Variants in GULP1 observed in about 807,000 individuals in gnomAD.
GULP1 encodes the protein GULP PTB domain containing engulfment adaptor 1, also known as PTB domain-containing engulfment adapter protein 1.
A neutral mutation model predicts 40.9 loss-of-function variants in GULP1; 19 were observed. The ratio of observed to expected loss-of-function variants is 0.46; its 90% CI spans 0.32 to 0.68. GULP1 has a LOEUF of 0.68. GULP1 is among the 30% of genes least tolerant of loss of function. GULP1 has a pLI of 0.03. For synonymous variants in GULP1, 119 were observed against 117.6 expected (o/e 1.01, Z -0.08); for missense variants, 312 against 362.2 (o/e 0.86, Z 1.12).
intron 1 of GULP1, among the ~76,000 whole-genome samples, chr2:188,351,024 G>A (rs1483365322): frequency 6.6e-6 from 1 of 152,028 alleles, no homozygotes; most frequent in Non-Finnish European, 1.5e-5. Context: ...CTAATATGAT[G>A]TTTCAGACCA....
rs114168309 is a variant in GULP1, at chr2:188,348,333, T to C, written c.-171-35430T>C. Among the ~76,000 whole-genome samples, 350 of 152,336 alleles carry C rather than the reference T, an allele frequency of 2.3e-3. 1 individual carries two copies. The highest frequency in any genetic ancestry group is 7.9e-3 in the African/African-American group (330 of 41,588). The stretch of plus-strand genomic sequence containing the variant: ...AGTTATCTGGTCAAACCTGTAACTA[T>C]TAACTGAAGCACTGGCCTTTTTACT... On this transcript the variant is annotated intron_variant, in intron 1 of 11. Transcript: ENST00000409830.
intron 4 of GULP1, among the ~76,000 whole-genome samples, chr2:188,494,327 A>C (rs2062694652): frequency 6.6e-6 from 1 of 152,120 alleles, no homozygotes; most frequent in South Asian, 2.1e-4. Context: ...CATAGCTACT[A>C]CTGTCCACCT....
chr2:188,477,455 G>T (rs930559677), intron 2 of GULP1, among the ~76,000 whole-genome samples: 25 of 152,068 alleles, frequency 1.6e-4, no homozygotes, highest in African/African-American at 5.8e-4. Context: ...AGGAATTTCT[G>T]TGAGACATTC....
chr2:188,574,422 G>T (rs1699755583), intron 9 of GULP1, among the ~76,000 whole-genome samples: 1 of 152,016 alleles, frequency 6.6e-6, no homozygotes, highest in Admixed American at 6.6e-5. Flanking sequence ...CCAGGAGTTG[G>T]AGACCAGCCT....
At position 188,584,374 on chromosome 2, in the gene GULP1, C is replaced by A; in HGVS notation, c.719C>A (p.Pro240His). 1 of 1,605,426 alleles carries A rather than the reference C, an allele frequency of 6.2e-7. No homozygotes were observed. ...CCTACTCGCAATGGCACACAGCCAC[C>A]TCCAGTACCTAGTAGATCTACTGAG... ...SMPTRNGTQP[P>H]PVPSRSTEIK... The change falls in exon 10 of 12, where the codon CCT becomes CAT. Residue 240 changes from proline (P) to histidine (H), a missense_variant. Pro to His is a moderately conservative substitution (Grantham distance 77). Coordinates refer to ENST00000409830, the MANE Select transcript of GULP1 (RefSeq NM_016315.4).
intron 2 of GULP1, among the ~76,000 whole-genome samples, chr2:188,417,566 T>TA (rs1406527464): frequency 2.0e-5 from 3 of 152,230 alleles, no homozygotes; most frequent in Non-Finnish European, 4.4e-5. Flanking sequence ...TTCTTTCATT[T>TA]AAAAATATTT....
intron 2 of GULP1, among the ~76,000 whole-genome samples, chr2:188,388,015 T>A (rs1383711945): frequency 6.6e-6 from 1 of 151,798 alleles, no homozygotes; most frequent in African/African-American, 2.4e-5. Context: ...TATCTCCTAA[T>A]GCTATCCCTC....
chr2:188,374,868 G>C (rs2048100477), intron 1 of GULP1, among the ~76,000 whole-genome samples: 1 of 152,106 alleles, frequency 6.6e-6, no homozygotes, highest in Admixed American at 6.6e-5. Flanking sequence ...GTATAAACAA[G>C]TTAAATGCAG....
intron 2 of GULP1, among the ~76,000 whole-genome samples, chr2:188,416,904 C>T (rs1309722943): frequency 1.3e-5 from 2 of 152,064 alleles, no homozygotes; most frequent in Non-Finnish European, 1.5e-5. Flanking sequence ...AAGTAAATGC[C>T]ATGTCACAAT....
At chr2:188,410,847 T>A (rs2053778334) in intron 2 of GULP1, among the ~76,000 whole-genome samples, 1 of 152,162 alleles carries the variant, frequency 6.6e-6, no homozygotes, top group Non-Finnish European at 1.5e-5. Flanking sequence ...CATGGAAGGC[T>A]GGGAGGTTTG....
chr2:188,465,532 A>G (rs1348999573), intron 2 of GULP1, among the ~76,000 whole-genome samples: 1 of 152,102 alleles, frequency 6.6e-6, no homozygotes, highest in Non-Finnish European at 1.5e-5. Flanking sequence ...TCAGTAGGTC[A>G]TGACCCCCTC....
intron 2 of GULP1, among the ~76,000 whole-genome samples, chr2:188,475,158 T>C (rs2060907002): frequency 6.6e-6 from 1 of 152,108 alleles, no homozygotes; most frequent in African/African-American, 2.4e-5. Flanking sequence ...AGACGTGTTT[T>C]ACAAAAAAAG....
At chr2:188,377,287 AAAT>A (rs2048420810) in intron 1 of GULP1, among the ~76,000 whole-genome samples, 1 of 152,234 alleles carries the variant, frequency 6.6e-6, no homozygotes, top group African/African-American at 2.4e-5. Flanking sequence ...ACACCAACGG[AAAT>A]AATAATTACT....
At chr2:188,423,325 T>C (rs2055713691) in intron 2 of GULP1, among the ~76,000 whole-genome samples, 1 of 152,056 alleles carries the variant, frequency 6.6e-6, no homozygotes, top group South Asian at 2.1e-4. Flanking sequence ...TTCCACTTTA[T>C]GGTACTAATG....
intron 9 of GULP1, chr2:188,582,512 T>C (rs2153458233): frequency 2.1e-6 from 1 of 471,424 alleles, no homozygotes; most frequent in Admixed American, 2.3e-5. Flanking sequence ...ACCACCACCT[T>C]CTAAATGTGG....
intron 1 of GULP1, among the ~76,000 whole-genome samples, chr2:188,318,862 C>G (rs1016165644): frequency 6.6e-6 from 1 of 152,162 alleles, no homozygotes; most frequent in Non-Finnish European, 1.5e-5. Context: ...AGTGCTTCTG[C>G]TTCTGCTGTA....
intron 4 of GULP1, among the ~76,000 whole-genome samples, chr2:188,521,137 C>T (rs1335956763): frequency 6.7e-6 from 1 of 149,364 alleles, no homozygotes; most frequent in Non-Finnish European, 1.5e-5. Flanking sequence ...GTCACAAGAG[C>T]AAAAAAAAAT....
At chr2:188,542,578 T>TA (rs1044833251) in intron 7 of GULP1, among the ~76,000 whole-genome samples, 52 of 152,290 alleles carry the variant, frequency 3.4e-4, no homozygotes, top group African/African-American at 1.2e-3. Context: ...AGCTACTAGA[T>TA]ATCATAATAC....
intron 1 of GULP1, among the ~76,000 whole-genome samples, chr2:188,368,547 C>T (rs903964360): frequency 6.6e-6 from 1 of 152,006 alleles, no homozygotes; most frequent in Non-Finnish European, 1.5e-5. Flanking sequence ...CACCACTGCA[C>T]TCCAGCCTGG....
Sources: gnomAD v4.1 joint callset for allele counts (sites outside exome capture counted in the v4.1 genomes callset) on GRCh38, gnomAD v4.1.1 for gene constraint, MANE v1.5 for transcripts, NCBI Gene and HGNC (gene_info 2026-07-23, HGNC 2026-07-21) for gene names.